The following GPC5 variants were observed in gnomAD, a reference collection of about 807,000 sequenced individuals.
The protein encoded by GPC5 is glypican-5.
Under a neutral mutation model 53.9 loss-of-function variants are expected in GPC5, and 47 were observed. The observed-to-expected ratio is 0.87, with a 90% confidence interval of 0.69 to 1.11. The LOEUF (loss-of-function observed/expected upper bound fraction) is 1.11, where lower values mean the gene tolerates loss of function less well. Among genes scored for constraint, GPC5 ranks in the 50% most tolerant of loss-of-function variants. The pLI is 0.00. For synonymous variants in GPC5, 286 were observed against 263.3 expected, an observed-to-expected ratio of 1.09 and a Z score of -0.84; for missense variants, 748 against 713.1, an observed-to-expected ratio of 1.05 and a Z score of -0.56.
At chr13:92,023,441 A>G (rs1457816618) in intron 6 of GPC5, among the ~76,000 whole-genome samples, 1 of 152,088 alleles carries the variant, frequency 6.6e-6, no homozygotes, top group Admixed American at 6.6e-5. Context: ...TGTGTTCACT[A>G]GGTGTATTAA....
chr13:91,461,568 A>G (rs1881930133), intron 2 of GPC5, among the ~76,000 whole-genome samples: 1 of 152,146 alleles, frequency 6.6e-6, no homozygotes, highest in Non-Finnish European at 1.5e-5. Context: ...GGCTACAATT[A>G]ATGAGGATTA....
intron 2 of GPC5, among the ~76,000 whole-genome samples, chr13:91,579,624 C>CTTTTTT (rs3055895): frequency 2.6e-3 from 266 of 102,550 alleles, no homozygotes; most frequent in Non-Finnish European, 3.3e-3. Context: ...TTTTCTTTTT[C>CTTTTTT]TTTTTTTTTT....
At chr13:92,599,737 G>A (rs1156455487) in intron 7 of GPC5, among the ~76,000 whole-genome samples, 1 of 152,120 alleles carries the variant, frequency 6.6e-6, no homozygotes, top group Admixed American at 6.5e-5. Flanking sequence ...GAAGTAATAA[G>A]TTATCCAAGG....
chr13:92,667,256 A>C (rs1886607230), intron 7 of GPC5, among the ~76,000 whole-genome samples: 1 of 152,138 alleles, frequency 6.6e-6, no homozygotes, highest in Non-Finnish European at 1.5e-5. Context: ...GGTGTTTCCA[A>C]AATGAAGCTA....
chr13:92,482,637 A>G (rs1262631401), intron 7 of GPC5, among the ~76,000 whole-genome samples: 1 of 152,174 alleles, frequency 6.6e-6, no homozygotes, highest in Admixed American at 6.6e-5. Flanking sequence ...TTGAATGAAT[A>G]CTTGATAAAT....
chr13:91,860,976 G>A (rs1360554222), intron 5 of GPC5, among the ~76,000 whole-genome samples: 2 of 151,968 alleles, frequency 1.3e-5, no homozygotes, highest in African/African-American at 2.4e-5. Context: ...TTTCTTTTAT[G>A]AACTATGAGT....
chr13:92,417,176 C>A (rs553896307), intron 7 of GPC5, among the ~76,000 whole-genome samples: 13 of 152,220 alleles, frequency 8.5e-5, no homozygotes, highest in Non-Finnish European at 1.6e-4. Context: ...ACCATCTGCA[C>A]AGGCAAAAGA....
chr13:92,284,043 T>C (rs1400331322), intron 7 of GPC5, among the ~76,000 whole-genome samples: 1 of 151,794 alleles, frequency 6.6e-6, no homozygotes, highest in Non-Finnish European at 1.5e-5. Flanking sequence ...CAATAAAAAA[T>C]GATAAAGGGG....
chr13:92,180,266 C>A (rs1211401083), intron 7 of GPC5, among the ~76,000 whole-genome samples: 2 of 152,162 alleles, frequency 1.3e-5, no homozygotes, highest in Non-Finnish European at 2.9e-5. Context: ...TTTTTAATTT[C>A]ATTTCCAATT....
At chr13:91,629,847 T>C (rs1396724129) in intron 2 of GPC5, among the ~76,000 whole-genome samples, 2 of 152,126 alleles carry the variant, frequency 1.3e-5, no homozygotes, top group Non-Finnish European at 2.9e-5. Context: ...TTAAACACTG[T>C]AATATGTATT....
At chr13:92,585,602 G>T (rs2139059521) in intron 7 of GPC5, among the ~76,000 whole-genome samples, 1 of 152,280 alleles carries the variant, frequency 6.6e-6, no homozygotes. Context: ...GACTTTCTGG[G>T]ACCGTTGGGA....
At chr13:92,754,547 G>C (rs199646225) in intron 7 of GPC5, among the ~76,000 whole-genome samples, 8,887 of 150,478 alleles carry the variant, frequency 0.059, 674 homozygotes, top group East Asian at 0.35. Flanking sequence ...ATTGGATAAA[G>C]AGTCAAGACC....
chr13:91,825,965 AC>A (rs1230187245), intron 5 of GPC5, among the ~76,000 whole-genome samples: 2 of 152,068 alleles, frequency 1.3e-5, no homozygotes, highest in Non-Finnish European at 2.9e-5. Context: ...GGCTAAAAGA[AC>A]CCAGTAGTAA....
intron 6 of GPC5, among the ~76,000 whole-genome samples, chr13:92,125,925 T>G (rs1476688398): frequency 7.8e-4 from 2 of 2,560 alleles, no homozygotes; most frequent in African/African-American, 1.5e-3. Context: ...TGTTTTTTGG[T>G]TTTTTTTTTT....
At position 92,647,514 on chromosome 13, in the gene GPC5, G is replaced by A. The variant is rs551209073; in HGVS notation, c.1562-218768G>A. Among the ~76,000 whole-genome samples the A allele has an allele frequency of 1.2e-3, 189 of 152,084 alleles. 2 individuals carry two copies. Among genetic ancestry groups the A allele is most frequent in the African/African-American group, 4.2e-3 (174 of 41,508 alleles). ...AGGAACTAGAAAATTCCTCCTCTCC[G>A]GTTGAAGACATGACAAGGAATCTTG... On this transcript the variant is annotated intron_variant, in intron 7 of 7. Coordinates refer to ENST00000377067, the MANE Select transcript of GPC5 (RefSeq NM_004466.6).
intron 1 of GPC5, among the ~76,000 whole-genome samples, chr13:91,417,964 G>A (rs760187183): frequency 2.0e-5 from 3 of 152,066 alleles, no homozygotes; most frequent in Non-Finnish European, 4.4e-5. Context: ...ATATGAAAGG[G>A]AAAGTTCCAG....
At chr13:92,359,479 A>G (rs1054839776) in intron 7 of GPC5, among the ~76,000 whole-genome samples, 8 of 151,670 alleles carry the variant, frequency 5.3e-5, no homozygotes, top group African/African-American at 2.0e-4. Flanking sequence ...CCAAACGTGC[A>G]TCCACATTTT....
At chr13:91,733,333 C>T (rs529140219) in intron 4 of GPC5, among the ~76,000 whole-genome samples, 27 of 152,218 alleles carry the variant, frequency 1.8e-4, no homozygotes, top group African/African-American at 6.0e-4. Flanking sequence ...TGGGGTTTCA[C>T]CATGTTCGCC....
At chr13:92,740,753 G>C (rs1280730330) in intron 7 of GPC5, among the ~76,000 whole-genome samples, 4 of 151,810 alleles carry the variant, frequency 2.6e-5, no homozygotes, top group Non-Finnish European at 5.9e-5. Context: ...AGGTAGGAAA[G>C]TATTGAGGAA....
Sources: allele counts gnomAD v4.1 joint callset (sites outside exome capture counted in the v4.1 genomes callset), GRCh38; gene constraint gnomAD v4.1.1; transcripts MANE v1.5; gene names NCBI Gene and HGNC (gene_info 2026-07-23, HGNC 2026-07-21).